ADCK1: variants seen among roughly 807,000 people sequenced by gnomAD.
ADCK1 encodes aarF domain-containing protein kinase 1.
Under a neutral mutation model 52.3 loss-of-function variants are expected in ADCK1, and 41 were observed. That is an observed-to-expected ratio of 0.78 (90% CI 0.61 to 1.02). The LOEUF (loss-of-function observed/expected upper bound fraction) is 1.02, where lower values mean the gene tolerates loss of function less well. Ranked by LOEUF, ADCK1 falls within the 50% of genes least tolerant of loss-of-function variation. The probability of loss-of-function intolerance (pLI) is 0.00; values close to 1 mark genes in which losing one functional copy is unlikely to be tolerated. For synonymous variants in ADCK1, 250 were observed against 274.6 expected, an observed-to-expected ratio of 0.91 and a Z score of 0.89; for missense variants, 658 against 679.5, an observed-to-expected ratio of 0.97 and a Z score of 0.35.
At chr14:77,879,591 G>A (rs986397803) in intron 4 of ADCK1, among the ~76,000 whole-genome samples, 4 of 152,314 alleles carry the variant, frequency 2.6e-5, no homozygotes, top group African/African-American at 4.8e-5. Flanking sequence ...GACCCCATGG[G>A]TCATGTTCAA....
intron 5 of ADCK1, among the ~76,000 whole-genome samples, chr14:77,888,701 G>C (rs2083215541): frequency 6.6e-6 from 1 of 152,146 alleles, no homozygotes; most frequent in Non-Finnish European, 1.5e-5. Flanking sequence ...GCAAGGACTG[G>C]TATGAATGAG....
At chr14:77,836,769 CTTTCTTTTTTTT>C (rs1209616537) in intron 3 of ADCK1, among the ~76,000 whole-genome samples, 9 of 75,280 alleles carry the variant, frequency 1.2e-4, no homozygotes, top group Non-Finnish European at 2.0e-4. Flanking sequence ...TTCTTTCTTT[CTTTCTTTTTTTT>C]TTTTTTTTTT....
chr14:77,831,370 A>G (rs1251080828), intron 3 of ADCK1, among the ~76,000 whole-genome samples: 2 of 152,208 alleles, frequency 1.3e-5, no homozygotes, highest in Non-Finnish European at 2.9e-5. Context: ...TGTGTGAAAC[A>G]TAGGGATAGA....
rs200211943 is a variant in ADCK1, at chr14:77,887,215, G to A, written c.548G>A (p.Arg183Gln). The change falls in exon 5 of 11, where the codon CGG becomes CAG. Residue 183 changes from arginine (R) to glutamine (Q), a missense_variant. Arg to Gln is a conservative substitution (Grantham distance 43). Transcript: ENST00000238561. The stretch of plus-strand genomic sequence containing the variant: ...GTGAAGGTCCAGCACCCAAAGGTGC[G>A]GGCTCAGAGCTCGAAGGACATTCTC... ...VAVKVQHPKV[R>Q]AQSSKDILLM... 3.7e-5 allele frequency: 59 copies of A among 1,603,442 alleles called. No individual in the cohort carries two copies. In the East Asian group the frequency reaches 5.2e-4, roughly 14 times the overall value.
At chr14:77,867,173 C>T (rs1392986325) in intron 4 of ADCK1, among the ~76,000 whole-genome samples, 1 of 152,198 alleles carries the variant, frequency 6.6e-6, no homozygotes, top group East Asian at 1.9e-4. Context: ...CAGGCTGCAT[C>T]ACGGGCCCAA....
chr14:77,824,073 G>GT (rs1483534527), intron 3 of ADCK1, among the ~76,000 whole-genome samples: 1 of 150,518 alleles, frequency 6.6e-6, no homozygotes, highest in East Asian at 2.0e-4. Flanking sequence ...TAATTTTTGT[G>GT]TTTTTAGTAG....
chr14:77,915,447 A>G (rs1434207014), intron 7 of ADCK1, among the ~76,000 whole-genome samples: 2 of 151,952 alleles, frequency 1.3e-5, no homozygotes, highest in African/African-American at 4.8e-5. Context: ...GCTGCTATAA[A>G]GACACATGCA....
chr14:77,808,150 C>T (rs774362645), intron 1 of ADCK1, among the ~76,000 whole-genome samples: 2 of 152,074 alleles, frequency 1.3e-5, no homozygotes, highest in Admixed American at 6.6e-5. Flanking sequence ...TGGGTGGGAG[C>T]GAGGAGAGAG....
intron 1 of ADCK1, among the ~76,000 whole-genome samples, chr14:77,817,943 T>A (rs570057998): frequency 6.6e-6 from 1 of 151,698 alleles, no homozygotes; most frequent in African/African-American, 2.4e-5. Context: ...TTTCATCGTG[T>A]TAGCCAGGAT....
intron 1 of ADCK1, among the ~76,000 whole-genome samples, chr14:77,810,473 T>TA (rs1229898368): frequency 1.3e-5 from 2 of 151,650 alleles, no homozygotes; most frequent in Non-Finnish European, 2.9e-5. Flanking sequence ...CCTTCATAGA[T>TA]AATTATGCAG....
At chr14:77,907,956 C>A (rs776991859) in intron 7 of ADCK1, 37 bp downstream of exon 7, 1 of 1,589,900 alleles carries the variant, frequency 6.3e-7, no homozygotes, top group Non-Finnish European at 8.6e-7. Context: ...TGCCGGGGAA[C>A]GTGGGCTTGG....
intron 1 of ADCK1, among the ~76,000 whole-genome samples, chr14:77,807,319 C>T (rs561876511): frequency 5.5e-4 from 84 of 151,736 alleles, no homozygotes; most frequent in African/African-American, 2.0e-3. Flanking sequence ...CCGCCCGCCT[C>T]GGCCTCCCAA....
At chr14:77,841,172 C>T (rs190484948) in intron 3 of ADCK1, among the ~76,000 whole-genome samples, 20 of 152,258 alleles carry the variant, frequency 1.3e-4, no homozygotes, top group Admixed American at 7.2e-4. Context: ...AGGGAAACTG[C>T]AAGCCTAAAA....
chr14:77,920,617 C>T (rs2084026486), intron 7 of ADCK1, among the ~76,000 whole-genome samples: 1 of 152,118 alleles, frequency 6.6e-6, no homozygotes, highest in African/African-American at 2.4e-5. Context: ...AAAACTTTGA[C>T]ACATGTTCAT....
At chr14:77,831,979 G>A (rs2081861414) in intron 3 of ADCK1, among the ~76,000 whole-genome samples, 1 of 150,224 alleles carries the variant, frequency 6.7e-6, no homozygotes, top group Non-Finnish European at 1.5e-5. Context: ...GTGATGTGAT[G>A]GCTTTTTTTT....
At chr14:77,901,039 G>T (rs1043227066) in intron 6 of ADCK1, among the ~76,000 whole-genome samples, 1 of 142,442 alleles carries the variant, frequency 7.0e-6, no homozygotes, top group Non-Finnish European at 1.5e-5. Context: ...CACTAGAGTT[G>T]GTGTTCTTTT....
At chr14:77,807,782 T>G (rs1411603512) in intron 1 of ADCK1, among the ~76,000 whole-genome samples, 1 of 152,164 alleles carries the variant, frequency 6.6e-6, no homozygotes, top group Non-Finnish European at 1.5e-5. Context: ...GTGCTGGGAT[T>G]ATAGGCGTGA....
intron 3 of ADCK1, among the ~76,000 whole-genome samples, chr14:77,834,112 A>G (rs2081913609): frequency 6.6e-6 from 1 of 152,120 alleles, no homozygotes; most frequent in Admixed American, 6.6e-5. Flanking sequence ...TTTTCAATTC[A>G]TTGTTTATTA....
At chr14:77,852,683 A>ATATTATATATATATATAT (rs2082321364) in intron 3 of ADCK1, among the ~76,000 whole-genome samples, 9 of 84,026 alleles carry the variant, frequency 1.1e-4, no homozygotes, top group Non-Finnish European at 1.2e-4. Flanking sequence ...ATATATATAT[A>ATATTATATATATATATAT]TATATATATA....
Sources: gnomAD v4.1 joint callset for allele counts (sites outside exome capture counted in the v4.1 genomes callset) on GRCh38, gnomAD v4.1.1 for gene constraint, MANE v1.5 for transcripts, NCBI Gene and HGNC (gene_info 2026-07-23, HGNC 2026-07-21) for gene names.